IL1RAPL1: variants seen among roughly 807,000 people sequenced by gnomAD.
The protein encoded by IL1RAPL1 is interleukin 1 receptor accessory protein like 1, also known as interleukin-1 receptor accessory protein-like 1.
A neutral mutation model predicts 48.4 loss-of-function variants in IL1RAPL1; 3 were observed. That is an observed-to-expected ratio of 0.06 (90% CI 0.03 to 0.16). The LOEUF is 0.16. Ranked by LOEUF, IL1RAPL1 falls within the 10% of genes least tolerant of loss-of-function variation. The pLI, the probability that IL1RAPL1 is intolerant of heterozygous loss-of-function variation, is 1.00. For missense variants in IL1RAPL1, 349 were observed against 530.6 expected, an observed-to-expected ratio of 0.66 and a Z score of 3.36; for synonymous variants, 185 against 187.7, an observed-to-expected ratio of 0.99 and a Z score of 0.12.
chrX:28,911,416 A>G (rs1923355960), intron 2 of IL1RAPL1, among the ~76,000 whole-genome samples: 1 of 111,131 alleles, frequency 9.0e-6, no homozygotes, highest in Admixed American at 9.6e-5. Context: ...ACATGAAGCA[A>G]GGAGGGGCGG....
At chrX:29,365,684 C>CA (rs1188703949) in intron 3 of IL1RAPL1, among the ~76,000 whole-genome samples, 7 of 106,925 alleles carry the variant, frequency 6.5e-5, no homozygotes, top group South Asian at 4.1e-4. Flanking sequence ...GACCCTGTCT[C>CA]AAAAAACAAA....
At chrX:29,672,140 A>AT (rs1016456599) in intron 6 of IL1RAPL1, among the ~76,000 whole-genome samples, 1 of 111,780 alleles carries the variant, frequency 8.9e-6, no homozygotes, top group Non-Finnish European at 1.9e-5. Flanking sequence ...AATTCTTCAC[A>AT]TTTTTGTTAT....
chrX:29,734,622 A>G (rs1312625505), intron 6 of IL1RAPL1, among the ~76,000 whole-genome samples: 1 of 112,374 alleles, frequency 8.9e-6, no homozygotes, highest in Non-Finnish European at 1.9e-5. Context: ...AAGATGCAGA[A>G]TTTCGTTGAT....
intron 1 of IL1RAPL1, among the ~76,000 whole-genome samples, chrX:28,678,759 A>C (rs1935026810): frequency 8.9e-6 from 1 of 112,239 alleles, no homozygotes; most frequent in South Asian, 3.7e-4. Context: ...GGAATTTATT[A>C]ATAGTTCTGT....
At chrX:29,339,075 T>C (rs867840849) in intron 3 of IL1RAPL1, among the ~76,000 whole-genome samples, 1 of 92,313 alleles carries the variant, frequency 1.1e-5, no homozygotes. Flanking sequence ...GCTGGGTAAA[T>C]ACACACACAC....
intron 5 of IL1RAPL1, among the ~76,000 whole-genome samples, chrX:29,431,157 C>T (rs1024390452): frequency 4.5e-5 from 5 of 111,440 alleles, no homozygotes; most frequent in African/African-American, 6.5e-5. Flanking sequence ...TGAACTGTCC[C>T]GAAAACTCAA....
intron 5 of IL1RAPL1, among the ~76,000 whole-genome samples, chrX:29,546,043 A>G (rs1175578283): frequency 2.7e-5 from 3 of 111,319 alleles, no homozygotes; most frequent in Non-Finnish European, 5.7e-5. Flanking sequence ...TTCGGGGAGG[A>G]TGCTACTGGT....
At chrX:28,828,966 T>C (rs1920990515) in intron 2 of IL1RAPL1, among the ~76,000 whole-genome samples, 1 of 112,301 alleles carries the variant, frequency 8.9e-6, no homozygotes, top group South Asian at 3.6e-4. Context: ...ACTGTAATAG[T>C]GTTAAATCCT....
chrX:29,507,427 C>T, intron 5 of IL1RAPL1, among the ~76,000 whole-genome samples: 1 of 60,161 alleles, frequency 1.7e-5, no homozygotes, highest in Admixed American at 2.0e-4. Context: ...CCTTCCCTTC[C>T]TTCATCTTGC....
At chrX:29,667,569 G>A (rs969955322) in intron 5 of IL1RAPL1, among the ~76,000 whole-genome samples, 4 of 112,026 alleles carry the variant, frequency 3.6e-5, no homozygotes, top group Admixed American at 2.9e-4. Context: ...ATGAGAGAGG[G>A]CAGGGCAGAG....
chrX:28,914,313 T>C (rs1456027102), intron 2 of IL1RAPL1, among the ~76,000 whole-genome samples: 1 of 111,113 alleles, frequency 9.0e-6, no homozygotes, highest in African/African-American at 3.3e-5. Context: ...ACAGGAAATA[T>C]AACACACATA....
chrX:29,853,191 T>TAA (rs35378764), intron 6 of IL1RAPL1, among the ~76,000 whole-genome samples: 32 of 88,033 alleles, frequency 3.6e-4, no homozygotes, highest in African/African-American at 1.1e-3. Flanking sequence ...ATTATGGCTT[T>TAA]AAAAAAAAAA....
At chrX:28,721,128 T>C (rs1935571208) in intron 1 of IL1RAPL1, among the ~76,000 whole-genome samples, 1 of 111,775 alleles carries the variant, frequency 8.9e-6, no homozygotes, top group Non-Finnish European at 1.9e-5. Flanking sequence ...GATGGCTGGG[T>C]CAAATGGTAT....
At chrX:29,088,435 G>A (rs1220496401) in intron 2 of IL1RAPL1, among the ~76,000 whole-genome samples, 1 of 110,107 alleles carries the variant, frequency 9.1e-6, no homozygotes, top group East Asian at 2.8e-4. Flanking sequence ...CAGCACTTTG[G>A]GAGGCCAAGG....
intron 5 of IL1RAPL1, among the ~76,000 whole-genome samples, chrX:29,543,834 G>T (rs1290749098): frequency 9.0e-6 from 1 of 110,794 alleles, no homozygotes; most frequent in Non-Finnish European, 1.9e-5. Flanking sequence ...GGACGATAAG[G>T]AGTAGACAAT....
intron 1 of IL1RAPL1, among the ~76,000 whole-genome samples, chrX:28,768,824 G>GTGTA (rs1313396396): frequency 1.7e-4 from 12 of 71,219 alleles, no homozygotes; most frequent in African/African-American, 5.7e-4. Context: ...ATGTGTGTGT[G>GTGTA]TATATATATA....
intron 5 of IL1RAPL1, among the ~76,000 whole-genome samples, chrX:29,457,338 C>T (rs1488424077): frequency 9.1e-6 from 1 of 110,146 alleles, no homozygotes; most frequent in East Asian, 2.8e-4. Context: ...TTTTTTGACC[C>T]TTCTTCCCCA....
chrX:29,688,471 C>G (rs766758679), intron 6 of IL1RAPL1, among the ~76,000 whole-genome samples: 8 of 111,691 alleles, frequency 7.2e-5, no homozygotes, highest in Non-Finnish European at 1.1e-4. Context: ...TGAAATTGAT[C>G]TCTTTATTTC....
intron 2 of IL1RAPL1, among the ~76,000 whole-genome samples, chrX:29,100,660 G>A (rs912429008): frequency 3.6e-5 from 4 of 111,638 alleles, no homozygotes; most frequent in Non-Finnish European, 3.8e-5. Context: ...CCAACTCTTC[G>A]GGTTCTGATC....
Sources: allele counts gnomAD v4.1 joint callset (sites outside exome capture counted in the v4.1 genomes callset), GRCh38; gene constraint gnomAD v4.1.1; transcripts MANE v1.5; gene names NCBI Gene and HGNC (gene_info 2026-07-23, HGNC 2026-07-21).